Variants in ACOT1 observed in about 807,000 individuals in gnomAD.
ACOT1 encodes acyl-CoA thioesterase 1.
ACOT1 carries 8 observed loss-of-function variants against 15.7 expected under a neutral mutation model. The ratio of observed to expected loss-of-function variants is 0.51; its 90% confidence interval spans 0.30 to 0.92. The LOEUF is 0.92. Among genes scored for constraint, ACOT1 ranks in the 40% least tolerant of loss-of-function variants. The pLI is 0.06. For missense variants in ACOT1, 151 were observed against 539.4 expected (o/e 0.28, Z 7.13); for synonymous variants, 67 against 241.2 (o/e 0.28, Z 6.69).
chr14:73,502,874 C>T, the ACOT1 span: 8 of 1,564,762 alleles, frequency 5.1e-6, no homozygotes, highest in African/African-American at 1.4e-5. Context: ...AGAGTGTCTC[C>T]TCATGTTGAC....
At chr14:73,491,235 A>G in the ACOT1 span, 4 of 1,590,288 alleles carry the variant, frequency 2.5e-6, no homozygotes, top group Admixed American at 6.9e-5. Context: ...TCGACGGCCG[A>G]CGACCTGGGG....
upstream of ACOT1, among the ~76,000 whole-genome samples, chr14:73,535,475 T>C (rs74613803): frequency 1.7e-4 from 2 of 11,670 alleles, no homozygotes; most frequent in African/African-American, 1.1e-3. Flanking sequence ...CTTTCTTTTT[T>C]TTTTTTTTTT....
the ACOT1 span, chr14:73,495,511 A>G: frequency 6.7e-6 from 5 of 741,518 alleles, no homozygotes; most frequent in Admixed American, 1.1e-4. Context: ...TGAGCCCAAC[A>G]GTTCAAGGCT....
At chr14:73,496,096 CT>C in the ACOT1 span, among the ~76,000 whole-genome samples, 1 of 152,066 alleles carries the variant, frequency 6.6e-6, no homozygotes, top group Non-Finnish European at 1.5e-5. Context: ...CACCACTGCA[CT>C]CCAGCCTGGG....
At chr14:73,502,799 G>T in the ACOT1 span, 1 of 847,082 alleles carries the variant, frequency 1.2e-6, no homozygotes, top group Non-Finnish European at 2.0e-6. Flanking sequence ...CGCCCACCCC[G>T]TCTTCCCAAA....
upstream of ACOT1, among the ~76,000 whole-genome samples, chr14:73,532,781 C>T (rs1888746545): frequency 8.8e-6 from 1 of 113,054 alleles, no homozygotes; most frequent in South Asian, 2.8e-4. Flanking sequence ...AGTAAAACCC[C>T]ATCTCTACTA....
the ACOT1 span, chr14:73,490,975 C>A: frequency 1.5e-6 from 2 of 1,317,136 alleles, no homozygotes; most frequent in Non-Finnish European, 1.9e-6. Flanking sequence ...GCTTTAGCTT[C>A]GCCCCCGGCC....
At chr14:73,502,938 G>C in the ACOT1 span, 9 of 1,614,038 alleles carry the variant, frequency 5.6e-6, no homozygotes, top group Non-Finnish European at 8.5e-7. Context: ...ATTTGCCCAA[G>C]CGCCTGTGCA....
At chr14:73,524,310 A>T in the ACOT1 span, among the ~76,000 whole-genome samples, 9,221 of 53,858 alleles carry the variant, frequency 0.17, 837 homozygotes, top group Middle Eastern at 0.38. Flanking sequence ...AAAAAAAAAA[A>T]ATATATATAT....
At chr14:73,536,803 G>A (rs1429144529), upstream of ACOT1, among the ~76,000 whole-genome samples, 2 of 114,582 alleles carry the variant, frequency 1.7e-5, 1 homozygote, top group Non-Finnish European at 3.8e-5. Flanking sequence ...GTGATGTGGA[G>A]GATAGGCATA....
At chr14:73,492,234 A>T in the ACOT1 span, 1 of 1,613,968 alleles carries the variant, frequency 6.2e-7, no homozygotes, top group Admixed American at 1.7e-5. This position sits in a 1 kb window ranked among gnomAD's most constrained non-coding sequence, Gnocchi z 4.9. Context: ...TTCATTCACC[A>T]AGCTGAATGC....
the ACOT1 span, chr14:73,491,419 G>A: frequency 7.4e-7 from 1 of 1,348,730 alleles, no homozygotes; most frequent in Non-Finnish European, 9.4e-7. Flanking sequence ...GCCTGGTGGA[G>A]GTGCCCGCCG....
chr14:73,504,076 CTTTTT>C, the ACOT1 span, among the ~76,000 whole-genome samples: 4 of 127,750 alleles, frequency 3.1e-5, no homozygotes, highest in Non-Finnish European at 3.3e-5. Context: ...TTTTGCATTT[CTTTTT>C]TTTTTTTTTT....
At chr14:73,506,031 T>C in the ACOT1 span, among the ~76,000 whole-genome samples, 1 of 151,692 alleles carries the variant, frequency 6.6e-6, no homozygotes, top group African/African-American at 2.4e-5. Flanking sequence ...GCAGGGATTA[T>C]AGGCGCGTGC....
At chr14:73,515,671 CAAAAAAAAAAAAAA>C in the ACOT1 span, among the ~76,000 whole-genome samples, 152 of 33,526 alleles carry the variant, frequency 4.5e-3, no homozygotes, top group African/African-American at 0.015. Context: ...GACTCCATCT[CAAAAAAAAAAAAAA>C]AAAAAAAAAA....
At chr14:73,520,835 G>A in the ACOT1 span, 4 of 1,608,138 alleles carry the variant, frequency 2.5e-6, no homozygotes, top group South Asian at 3.3e-5. Flanking sequence ...CCTACCACAG[G>A]GGCCCAGCTC....
At chr14:73,505,151 A>C in the ACOT1 span, among the ~76,000 whole-genome samples, 3 of 152,102 alleles carry the variant, frequency 2.0e-5, no homozygotes, top group African/African-American at 7.2e-5. Flanking sequence ...TCCTGGTCTC[A>C]AGTGATCCAC....
chr14:73,522,891 A>G, the ACOT1 span: 3 of 1,614,102 alleles, frequency 1.9e-6, no homozygotes, highest in Non-Finnish European at 1.7e-6. Flanking sequence ...TACTGGCTAT[A>G]AGGAATGCTG....
chr14:73,492,915 T>C, the ACOT1 span: 1 of 1,613,474 alleles, frequency 6.2e-7, no homozygotes, highest in South Asian at 1.1e-5. This position sits in a 1 kb window ranked among gnomAD's most constrained non-coding sequence, Gnocchi z 4.9. Context: ...GGGCTGCTGC[T>C]CACTAAGATG....
Sources: gnomAD v4.1 joint callset for allele counts (sites outside exome capture counted in the v4.1 genomes callset) on GRCh38, gnomAD v4.1.1 for gene constraint, Gnocchi (gnomAD v3.1) non-coding constraint, MANE v1.5 for transcripts, NCBI Gene and HGNC (gene_info 2026-07-23, HGNC 2026-07-21) for gene names.